Variants in CNTNAP2 observed in about 807,000 individuals in gnomAD.
CNTNAP2 encodes the protein contactin-associated protein-like 2.
In CNTNAP2, 98 loss-of-function variants were observed where a neutral mutation model predicts 155.2. That is an observed-to-expected ratio of 0.63 (90% CI 0.54 to 0.75). The LOEUF (loss-of-function observed/expected upper bound fraction) is 0.75. Among genes scored for constraint, CNTNAP2 ranks in the 30% least tolerant of loss-of-function variants. The pLI, the probability that CNTNAP2 is intolerant of heterozygous loss-of-function variation, is 0.00. For synonymous variants in CNTNAP2, 651 were observed against 631.2 expected (o/e 1.03, Z -0.47); for missense variants, 1,727 against 1,688.1 (o/e 1.02, Z -0.40).
chr7:146,853,503 T>C (rs1794920279), intron 3 of CNTNAP2, among the ~76,000 whole-genome samples: 1 of 152,162 alleles, frequency 6.6e-6, no homozygotes, highest in Non-Finnish European at 1.5e-5. Context: ...GCTTATTCAA[T>C]TGAAGTGCAG....
chr7:148,019,751 C>A (rs1802245925), intron 15 of CNTNAP2, among the ~76,000 whole-genome samples: 1 of 151,952 alleles, frequency 6.6e-6, no homozygotes, highest in South Asian at 2.1e-4. Context: ...GCCATCGTGC[C>A]CATTCTCAGG....
chr7:147,714,240 A>G (rs1260797505), intron 13 of CNTNAP2, among the ~76,000 whole-genome samples: 4 of 152,084 alleles, frequency 2.6e-5, no homozygotes, highest in Non-Finnish European at 4.4e-5. Context: ...AGGTTCTGGA[A>G]GGTTTTTATA....
chr7:146,373,432 A>ACACT (rs1264613253), intron 1 of CNTNAP2, among the ~76,000 whole-genome samples: 1 of 151,774 alleles, frequency 6.6e-6, no homozygotes, highest in African/African-American at 2.4e-5. Context: ...ACACACACAC[A>ACACT]CTTAGGCATG....
Position 147,773,296 on chromosome 7 carries a change from T to C in CNTNAP2, c.2099-130269T>C, listed in dbSNP as rs555428384. 8.5e-5 allele frequency among the ~76,000 whole-genome samples: 13 copies of C among 152,214 alleles called. No homozygotes were observed. In the South Asian group the frequency reaches 2.5e-3, roughly 29 times the overall value. ...CCATCTGAGATTTTGTAGGAACACT[T>C]AGAAAAGGATAGAAGTCTTGTTCAT... On this transcript the variant is annotated intron_variant, in intron 13 of 23. Transcript: ENST00000361727.
chr7:147,240,263 T>A (rs1346915196), intron 8 of CNTNAP2, among the ~76,000 whole-genome samples: 2 of 152,210 alleles, frequency 1.3e-5, no homozygotes, highest in East Asian at 1.9e-4. Flanking sequence ...AGTTCAAGGC[T>A]GCAGTGAGCT....
At chr7:146,290,013 A>G (rs1161675134) in intron 1 of CNTNAP2, among the ~76,000 whole-genome samples, 1 of 152,222 alleles carries the variant, frequency 6.6e-6, no homozygotes, top group East Asian at 1.9e-4. Flanking sequence ...CAGAATAAGA[A>G]AAAATAATTT....
chr7:146,680,657 T>C (rs1157739197), intron 1 of CNTNAP2, among the ~76,000 whole-genome samples: 1 of 152,230 alleles, frequency 6.6e-6, no homozygotes, highest in African/African-American at 2.4e-5. Flanking sequence ...CTTGACTTTA[T>C]GAGTGAAGGC....
chr7:147,078,694 A>C (rs1199052987), intron 4 of CNTNAP2, among the ~76,000 whole-genome samples: 1 of 152,100 alleles, frequency 6.6e-6, no homozygotes, highest in African/African-American at 2.4e-5. Flanking sequence ...CCATTAAAAA[A>C]AACTCTCTAT....
chr7:147,682,109 G>A (rs1795954900), intron 13 of CNTNAP2, among the ~76,000 whole-genome samples: 1 of 151,278 alleles, frequency 6.6e-6, no homozygotes, highest in South Asian at 2.1e-4. Context: ...GGAAAGACCT[G>A]TAAGTGCAAC....
Position 148,210,767 on chromosome 7 carries a change from C to T in CNTNAP2, c.3011-6521C>T, listed in dbSNP as rs556877650. Among the ~76,000 whole-genome samples, 17 of 152,270 alleles carry T rather than the reference C, an allele frequency of 1.1e-4. No homozygotes were observed. In the South Asian group the frequency reaches 3.3e-3, roughly 30 times the overall value. On this transcript the variant is annotated intron_variant, in intron 18 of 23. Coordinates refer to ENST00000361727, the MANE Select transcript of CNTNAP2 (RefSeq NM_014141.6). ...GGGAAACAGAACTAGCAGAGGTGAA[C>T]GTTAACCCATCCCAGGTCCAATGTT...
rs757449108 is a variant in CNTNAP2, at chr7:147,330,423, C to A, written c.1498+30133C>A. On this transcript the variant is annotated intron_variant, in intron 9 of 23. Coordinates refer to ENST00000361727, the MANE Select transcript of CNTNAP2 (RefSeq NM_014141.6). ...GTACCATCTTGAGTTCCCTGAGATA[C>A]TCTAGCAAATTATTGAACCCTAGGA... is the stretch of plus-strand genomic sequence containing the variant. Among the ~76,000 whole-genome samples, 26 of 152,252 alleles carry A rather than the reference C, an allele frequency of 1.7e-4. No homozygotes were observed. The East Asian group carries it at 4.6e-3, about 27-fold the overall frequency.
chr7:148,161,817 A>G (rs1805549631), intron 17 of CNTNAP2, among the ~76,000 whole-genome samples: 1 of 152,176 alleles, frequency 6.6e-6, no homozygotes, highest in Non-Finnish European at 1.5e-5. Context: ...TGAAATCTTG[A>G]CATCAAAACA....
chr7:146,297,823 GT>G (rs1231542722), intron 1 of CNTNAP2, among the ~76,000 whole-genome samples: 2 of 152,052 alleles, frequency 1.3e-5, no homozygotes, highest in Non-Finnish European at 2.9e-5. Flanking sequence ...CTGGTAACTT[GT>G]TTTCCATGTT....
At chr7:147,360,940 C>T (rs1003111222) in intron 9 of CNTNAP2, among the ~76,000 whole-genome samples, 1 of 152,014 alleles carries the variant, frequency 6.6e-6, no homozygotes, top group African/African-American at 2.4e-5. Context: ...TGGATTCATC[C>T]ATTAGAAGGA....
rs565719955 is a variant in CNTNAP2 at position 147,250,710 on chromosome 7, C to A, written c.1349-49431C>A. On this transcript the variant is annotated intron_variant, in intron 8 of 23. Coordinates refer to ENST00000361727, the MANE Select transcript of CNTNAP2 (RefSeq NM_014141.6). ...AGAAGTTTCCACTGAAGAAACACAT[C>A]TGGGTGTTTCACAATGTGGCTCCTT... Among the ~76,000 whole-genome samples, 12 of 152,190 alleles carry A rather than the reference C, an allele frequency of 7.9e-5. No homozygotes were observed. In the South Asian group the frequency reaches 2.5e-3, roughly 32 times the overall value.
intron 12 of CNTNAP2, among the ~76,000 whole-genome samples, chr7:147,619,824 T>C (rs978411485): frequency 6.6e-6 from 1 of 152,182 alleles, no homozygotes; most frequent in Non-Finnish European, 1.5e-5. Flanking sequence ...CCCAGAGCCT[T>C]GAGCGAACAT....
rs557289551 is a variant in CNTNAP2, at chr7:146,452,695, C to T, written c.98-321576C>T. 4.7e-4 allele frequency among the ~76,000 whole-genome samples: 71 copies of T among 152,208 alleles called. 1 individual carries two copies. Among genetic ancestry groups the T allele is most frequent in the Non-Finnish European group, 5.6e-4 (38 of 68,010 alleles). On this transcript the variant is annotated intron_variant, in intron 1 of 23. Coordinates refer to ENST00000361727, the MANE Select transcript of CNTNAP2 (RefSeq NM_014141.6). ...AGCCATGCATGTGGTTTAACATTTA[C>T]TTTTACTTAACATTTGCCATTCTGT...
rs146144828 is a variant in CNTNAP2, at chr7:146,554,109, C to T, written c.98-220162C>T. ...TCAAGCTGATGAGAATGCAGTGTAA[C>T]TAACGTTGAATCTAAGGCCAAAAAG... On this transcript the variant is annotated intron_variant, in intron 1 of 23. Coordinates refer to ENST00000361727, the MANE Select transcript of CNTNAP2 (RefSeq NM_014141.6). 2.7e-4 allele frequency among the ~76,000 whole-genome samples: 41 copies of T among 152,256 alleles called. 1 individual carries two copies. The East Asian group carries it at 7.3e-3, about 27-fold the overall frequency.
chr7:147,832,751 CAT>C lies in CNTNAP2; in HGVS notation c.2099-70810_2099-70809del, dbSNP rs773671803. Among the ~76,000 whole-genome samples, 1,066 of 145,058 alleles carry C rather than the reference CAT, an allele frequency of 7.3e-3. 3 individuals carry two copies. Among genetic ancestry groups the C allele is most frequent in the Middle Eastern group, 0.036 (9 of 252 alleles). On this transcript the variant is annotated intron_variant, in intron 13 of 23. Transcript: ENST00000361727. ...AAATAAATATTTTATAATTTAATGA[CAT>C]ATAAACATTTAATTAAATTGTACAT...
Sources: allele counts gnomAD v4.1 joint callset (sites outside exome capture counted in the v4.1 genomes callset), GRCh38; gene constraint gnomAD v4.1.1; transcripts MANE v1.5; gene names NCBI Gene and HGNC (gene_info 2026-07-23, HGNC 2026-07-21).